The following MCOLN2 variants were observed in gnomAD, a reference collection of about 807,000 sequenced individuals.
MCOLN2 encodes mucolipin TRP cation channel 2.
In MCOLN2, 57 loss-of-function variants were observed where a neutral mutation model predicts 67.5. That is an observed-to-expected ratio of 0.84 (90% CI 0.68 to 1.05). The LOEUF (loss-of-function observed/expected upper bound fraction) is 1.05. MCOLN2 is among the 50% of genes least tolerant of loss of function. MCOLN2 has a pLI of 0.00. For missense variants in MCOLN2, 620 were observed against 678.8 expected (o/e 0.91, Z 0.96); for synonymous variants, 246 against 233.3 (o/e 1.05, Z -0.50).
intron 7 of MCOLN2, among the ~76,000 whole-genome samples, chr1:84,943,400 C>G (rs1647902914): frequency 6.6e-6 from 1 of 152,030 alleles, no homozygotes; most frequent in African/African-American, 2.4e-5. Flanking sequence ...CTGGGAAGGA[C>G]AGCGTCGGGG....
Position 84,994,390 on chromosome 1 carries a change from C to T in MCOLN2, c.77+2406G>A, listed in dbSNP as rs534970776. On this transcript the variant is annotated intron_variant, in intron 1 of 13. Coordinates refer to ENST00000370608, the MANE Select transcript of MCOLN2 (RefSeq NM_153259.4). ...GGAAAGTCCTAGATGGCATCTCCTG[C>T]CAATAGAAGGCTGTTTTGTCTACAT... 5.9e-5 allele frequency among the ~76,000 whole-genome samples: 9 copies of T among 152,314 alleles called. No homozygotes were observed. The East Asian group carries it at 1.7e-3, about 29-fold the overall frequency.
At chr1:84,930,350 T>A (rs567892567) in intron 12 of MCOLN2, among the ~76,000 whole-genome samples, 2 of 152,026 alleles carry the variant, frequency 1.3e-5, no homozygotes, top group African/African-American at 2.4e-5. Flanking sequence ...ATTGGCAATG[T>A]AGACTCTGCT....
intron 2 of MCOLN2, among the ~76,000 whole-genome samples, chr1:84,959,159 G>A (rs1179379911): frequency 1.3e-5 from 2 of 152,070 alleles, no homozygotes; most frequent in African/African-American, 4.8e-5. Flanking sequence ...TTGAAAAGTA[G>A]CCTACATAAA....
chr1:84,959,201 A>G (rs1648952538), intron 2 of MCOLN2, among the ~76,000 whole-genome samples: 1 of 152,248 alleles, frequency 6.6e-6, no homozygotes, highest in Admixed American at 6.5e-5. Flanking sequence ...AATAGTTGTC[A>G]AAAGAATTCA....
intron 1 of MCOLN2, among the ~76,000 whole-genome samples, chr1:84,987,214 ATATG>A (rs1256655357): frequency 1.0e-5 from 1 of 97,384 alleles, no homozygotes; most frequent in Non-Finnish European, 2.2e-5. Context: ...CTATCTATAT[ATATG>A]GCATATATAT....
intron 11 of MCOLN2, 54 bp from the exon 12 acceptor site, chr1:84,931,622 G>C: frequency 7.0e-7 from 1 of 1,426,556 alleles, no homozygotes; most frequent in Non-Finnish European, 9.9e-7. Context: ...AAAAAGCAGA[G>C]GATATCTAGT....
At position 84,978,273 on chromosome 1, in the gene MCOLN2, C is replaced by T. The variant is rs933722974; in HGVS notation, c.78-12565G>A. Among the ~76,000 whole-genome samples the T allele has an allele frequency of 2.6e-5, 3 of 116,726 alleles. No individual in the cohort carries two copies. The Admixed American group carries it at 2.7e-4, about 10-fold the overall frequency. The allele number at this position is 116,726 out of a possible 152,430, so 76.6% of individuals were successfully genotyped here. On this transcript the variant is annotated intron_variant, in intron 1 of 13. Transcript: ENST00000370608. ...AGAATTTTATAGCTTTAACTGCCTA[C>T]TTCAAAAAAAAAGGAAAAACTTCAA...
intron 1 of MCOLN2, among the ~76,000 whole-genome samples, chr1:84,971,088 G>T (rs1649656518): frequency 6.6e-6 from 1 of 152,256 alleles, no homozygotes; most frequent in Non-Finnish European, 1.5e-5. Flanking sequence ...TTTCATTTGG[G>T]TATTTACAGA....
intron 7 of MCOLN2, among the ~76,000 whole-genome samples, chr1:84,946,122 G>C (rs2102824987): frequency 6.6e-6 from 1 of 152,314 alleles, no homozygotes; most frequent in South Asian, 2.1e-4. Flanking sequence ...AGCATTTGCA[G>C]CGGTTGCTGT....
chr1:84,927,419 A>G (rs527757890), intron 13 of MCOLN2, among the ~76,000 whole-genome samples: 16 of 152,290 alleles, frequency 1.1e-4, no homozygotes, highest in South Asian at 1.0e-3. Context: ...AAAGAACCAC[A>G]TCGCTTTAGA....
intron 10 of MCOLN2, 32 bp downstream of exon 10, chr1:84,937,949 T>A (rs771937342): frequency 2.5e-6 from 4 of 1,612,674 alleles, no homozygotes; most frequent in Non-Finnish European, 3.4e-6. Flanking sequence ...GAGTCTCAAC[T>A]GCAGTGGCAC....
chr1:84,928,761 T>C (rs1661273525), intron 13 of MCOLN2, among the ~76,000 whole-genome samples: 1 of 152,226 alleles, frequency 6.6e-6, no homozygotes, highest in African/African-American at 2.4e-5. Context: ...TGCTCAGTCA[T>C]ATCATTGTAA....
Position 84,937,868 on chromosome 1 carries a change from A to C in MCOLN2, c.1222T>G (p.Leu408Val), listed in dbSNP as rs777983622. Residue 408 changes from leucine to valine, a missense_variant, in exon 11 of 14, where the codon TTA (leucine) becomes GTA (valine). By Grantham distance (32) the Leu-to-Val change is conservative (BLOSUM62 1). Transcript: ENST00000370608. ...GYFQAYNVLI[L>V]TMQASLPKVL... ...TTTGGCAGTGAGGCCTGCATTGTTAAAATCAGCACCTGAAAAAAAGAACAG... is the reference window on the plus strand; with the variant it reads ...TTTGGCAGTGAGGCCTGCATTGTTACAATCAGCACCTGAAAAAAAGAACAG... 2 of 1,614,200 alleles carry C rather than the reference A, an allele frequency of 1.2e-6. No homozygotes were observed. The highest frequency in any genetic ancestry group is 2.2e-5 in the South Asian group (2 of 91,084).
At chr1:84,928,953 A>G (rs1661279192) in intron 13 of MCOLN2, among the ~76,000 whole-genome samples, 2 of 152,184 alleles carry the variant, frequency 1.3e-5, no homozygotes, top group Admixed American at 1.3e-4. Context: ...GAAAGCAAAC[A>G]TAGGCACATT....
intron 11 of MCOLN2, among the ~76,000 whole-genome samples, chr1:84,936,625 TATATA>T (rs553693113): frequency 6.6e-6 from 1 of 152,320 alleles, no homozygotes; most frequent in East Asian, 1.9e-4. Context: ...CTTTGTTAAT[TATATA>T]ATATCTCAAA....
intron 1 of MCOLN2, 89 bp from the exon 2 acceptor site, chr1:84,965,797 T>G (rs1256914505): frequency 4.0e-6 from 5 of 1,236,430 alleles, no homozygotes; most frequent in Non-Finnish European, 4.5e-6. Context: ...CTTGAGTTGG[T>G]ACATATGGCA....
At chr1:84,957,487 A>C in intron 3 of MCOLN2, among the ~76,000 whole-genome samples, 1 of 152,230 alleles carries the variant, frequency 6.6e-6, no homozygotes, top group South Asian at 2.1e-4. Flanking sequence ...AATAGATAAC[A>C]ATTGGAAGAT....
chr1:84,965,648 C>T lies in MCOLN2; in HGVS notation c.138G>A (p.Lys46=). 6.2e-7 allele frequency: 1 copy of T among 1,614,012 alleles called. No homozygotes were observed. The highest frequency in any genetic ancestry group is 8.5e-7 in the Non-Finnish European group (1 of 1,179,938). The change falls in exon 2 of 14, where the codon AAG becomes AAA. Residue 46 remains lysine (K), a synonymous_variant. Transcript: ENST00000370608. The part of the protein sequence containing the change: ...MKEECLREDL[K]FYFMSPCEKY... ...TTTCACAAGGGCTCATGAAGTAAAA[C>T]TTCAGGTCTTCCCTTAGACATTCTT...
At chr1:84,980,891 T>C (rs766270206) in intron 1 of MCOLN2, among the ~76,000 whole-genome samples, 2 of 152,144 alleles carry the variant, frequency 1.3e-5, no homozygotes, top group African/African-American at 2.4e-5. Flanking sequence ...AGGGAGAAGA[T>C]ATTTGCAAAC....
Sources: gnomAD v4.1 joint callset for allele counts (sites outside exome capture counted in the v4.1 genomes callset) on GRCh38, gnomAD v4.1.1 for gene constraint, MANE v1.5 for transcripts, NCBI Gene and HGNC (gene_info 2026-07-23, HGNC 2026-07-21) for gene names.